The following PBX4 variants were observed in gnomAD, a reference collection of about 807,000 sequenced individuals.
PBX4 encodes pre-B-cell leukemia transcription factor 4.
In PBX4, 26 loss-of-function variants were observed where a neutral mutation model predicts 35.1. That is an observed-to-expected ratio of 0.74 (90% CI 0.54 to 1.03). PBX4 has a LOEUF of 1.03. Ranked by LOEUF, PBX4 falls within the 50% of genes least tolerant of loss-of-function variation. The probability of loss-of-function intolerance (pLI) is 0.00; values close to 1 mark genes in which losing one functional copy is unlikely to be tolerated. For synonymous variants in PBX4, 199 were observed against 204.2 expected (o/e 0.97, Z 0.22); for missense variants, 448 against 504.3 (o/e 0.89, Z 1.07).
At chr19:19,599,259 G>C in intron 2 of PBX4, 33 bp downstream of exon 2, 1 of 1,572,786 alleles carries the variant, frequency 6.4e-7, no homozygotes, top group Non-Finnish European at 8.7e-7. Context: ...GAGCCACCAC[G>C]CTCGGCCAGA....
intron 2 of PBX4, among the ~76,000 whole-genome samples, chr19:19,577,508 C>T (rs924826575): frequency 6.6e-6 from 1 of 152,170 alleles, no homozygotes; most frequent in African/African-American, 2.4e-5. Context: ...CCTGTGGTGT[C>T]ACCTGTGTCT....
intron 1 of PBX4, among the ~76,000 whole-genome samples, chr19:19,605,167 C>T (rs1034761280): frequency 6.6e-6 from 1 of 151,148 alleles, no homozygotes; most frequent in African/African-American, 2.4e-5. Flanking sequence ...CCTGGAATCC[C>T]AGCACTTTGA....
chr19:19,610,858 A>T (rs1014767890), intron 1 of PBX4, among the ~76,000 whole-genome samples: 6 of 152,330 alleles, frequency 3.9e-5, no homozygotes, highest in South Asian at 2.1e-4. Context: ...CAAGCAAGCT[A>T]AGAAGAAAGA....
rs2061700688 is a variant in PBX4, at chr19:19,618,593, CG to C, written c.36del (p.Ala13ProfsTer32). The C allele has an allele frequency of 5.4e-6, 7 of 1,292,562 alleles. No homozygotes were observed. Among genetic ancestry groups the C allele is most frequent in the Non-Finnish European group, 2.9e-6 (3 of 1,018,052 alleles). 80.1% of individuals were successfully genotyped at this position (1,292,562 alleles called of 1,614,324 possible). A position where few individuals can be genotyped will look rare whatever the true frequency, so the allele number is the denominator to read the frequency against. ...AAPPRPAPSPPAPRRLDTSDV... is the reference protein window; with the variant it reads ...AAPPRPAPSPXAPRRLDTSDV... ...TCGCTCGTGTCGAGGCGCCGCGGGG[CG>C]GGGGGCGATGGCGCGGGGCGCGGCG... On this transcript the variant is annotated frameshift_variant, in exon 1 of 8. Transcript: ENST00000251203. LOFTEE classifies it high-confidence loss of function.
At chr19:19,577,686 C>G (rs966497661) in intron 2 of PBX4, among the ~76,000 whole-genome samples, 2 of 151,680 alleles carry the variant, frequency 1.3e-5, no homozygotes, top group Admixed American at 1.3e-4. Context: ...CGGTGAAACC[C>G]CATCTCTACT....
intron 2 of PBX4, among the ~76,000 whole-genome samples, chr19:19,582,418 A>G (rs1273999706): frequency 2.0e-5 from 3 of 152,196 alleles, no homozygotes; most frequent in Non-Finnish European, 4.4e-5. Flanking sequence ...ACACACCAGC[A>G]GAAGAACACA....
At chr19:19,599,414 C>T (rs1488962653) in intron 1 of PBX4, 49 bp from the exon 2 acceptor site, 1 of 1,496,608 alleles carries the variant, frequency 6.7e-7, no homozygotes, top group South Asian at 1.1e-5. Flanking sequence ...TAGTCATCAT[C>T]TTGTCCCCAA....
intron 2 of PBX4, among the ~76,000 whole-genome samples, chr19:19,572,869 A>ATACATTGT (rs2061393900): frequency 1.3e-5 from 2 of 150,976 alleles, no homozygotes; most frequent in Non-Finnish European, 1.5e-5. Flanking sequence ...AAAAAAAAAA[A>ATACATTGT]AAAAAAGAGA....
intron 2 of PBX4, among the ~76,000 whole-genome samples, chr19:19,581,286 C>T (rs1454455849): frequency 6.6e-6 from 1 of 152,106 alleles, no homozygotes; most frequent in Non-Finnish European, 1.5e-5. Flanking sequence ...ACATGGCCAC[C>T]ATGCTGGGGT....
chr19:19,612,735 C>G (rs764789628), intron 1 of PBX4, among the ~76,000 whole-genome samples: 1 of 152,116 alleles, frequency 6.6e-6, no homozygotes, highest in African/African-American at 2.4e-5. Context: ...ATAAAAGCCC[C>G]GGGGGTCATC....
At position 19,563,384 on chromosome 19, in the gene PBX4, A is replaced by G. The variant is rs1441851289; in HGVS notation, c.1032+125T>C. On this transcript the variant is annotated intron_variant, in intron 7 of 7. Coordinates refer to ENST00000251203, the MANE Select transcript of PBX4 (RefSeq NM_025245.3). The surrounding 1 kb of genome is among the most constrained non-coding windows in gnomAD (Gnocchi z 5.1). ...TGTGCCCCAGAGGTGGCCGCGCAGC[A>G]TGGCCTGTGTGGCTGCTGGGACCTC... 7 of 714,642 alleles carry G rather than the reference A, an allele frequency of 9.8e-6. No individual in the cohort carries two copies. Among genetic ancestry groups the G allele is most frequent in the Non-Finnish European group, 1.6e-5 (7 of 433,738 alleles). The allele number at this position is 714,642 out of a possible 1,614,324, so 44.3% of individuals were successfully genotyped here.
intron 5 of PBX4, among the ~76,000 whole-genome samples, chr19:19,565,990 T>A (rs916866526): frequency 6.6e-6 from 1 of 152,040 alleles, no homozygotes; most frequent in Non-Finnish European, 1.5e-5. Flanking sequence ...CTCAAACCCC[T>A]GGGCTTGAGA....
At chr19:19,599,159 G>A (rs897957905) in intron 2 of PBX4, 133 bp downstream of exon 2, 1 of 680,454 alleles carries the variant, frequency 1.5e-6, no homozygotes, top group Non-Finnish European at 2.6e-6. Context: ...AATAGAGACA[G>A]GGTTTCTCCA....
intron 1 of PBX4, among the ~76,000 whole-genome samples, chr19:19,604,478 A>AAAAAAAAAAAAAT (rs71170701): frequency 6.6e-6 from 1 of 150,626 alleles, no homozygotes. Flanking sequence ...AAAAAAAAAA[A>AAAAAAAAAAAAAT]GGAATACAAC....
chr19:19,584,729 G>A (rs1171776100), intron 2 of PBX4, among the ~76,000 whole-genome samples: 1 of 150,732 alleles, frequency 6.6e-6, no homozygotes, highest in Admixed American at 6.6e-5. Context: ...GGGTTCAAGC[G>A]ATTCTCCTGC....
intron 2 of PBX4, among the ~76,000 whole-genome samples, chr19:19,594,588 C>A (rs917171337): frequency 6.6e-6 from 1 of 152,186 alleles, no homozygotes; most frequent in South Asian, 2.1e-4. Context: ...AACATCCACA[C>A]AGGGGCAGAT....
intron 1 of PBX4, chr19:19,608,658 T>C (rs1202874643): frequency 6.6e-6 from 1 of 152,368 alleles, no homozygotes; most frequent in Non-Finnish European, 1.5e-5. Flanking sequence ...CATGCCTTCA[T>C]GCTCCACGCC....
chr19:19,617,228 C>T (rs1382875834), intron 1 of PBX4, among the ~76,000 whole-genome samples: 1 of 152,148 alleles, frequency 6.6e-6, no homozygotes, highest in African/African-American at 2.4e-5. Flanking sequence ...GTTGCCCAGG[C>T]TGGTCTCAAA....
chr19:19,600,868 T>C (rs560730866), intron 1 of PBX4, among the ~76,000 whole-genome samples: 17 of 149,494 alleles, frequency 1.1e-4, no homozygotes, highest in South Asian at 4.3e-4. Context: ...AATATCAAGG[T>C]CCAACAACTT....
Sources: allele counts gnomAD v4.1 joint callset (sites outside exome capture counted in the v4.1 genomes callset), GRCh38; gene constraint gnomAD v4.1.1; non-coding constraint Gnocchi (gnomAD v3.1); transcripts MANE v1.5; gene names NCBI Gene and HGNC (gene_info 2026-07-23, HGNC 2026-07-21).